The following CAPN3 variants were observed in gnomAD, a reference collection of about 807,000 sequenced individuals.
The protein encoded by CAPN3 is calpain-3.
Under a neutral mutation model 114.0 loss-of-function variants are expected in CAPN3, and 88 were observed. The ratio of observed to expected loss-of-function variants is 0.77; its 90% confidence interval spans 0.65 to 0.92. CAPN3 has a LOEUF of 0.92. Ranked by LOEUF, CAPN3 falls within the 40% of genes least tolerant of loss-of-function variation. The pLI, the probability that CAPN3 is intolerant of heterozygous loss-of-function variation, is 0.00. For synonymous variants in CAPN3, 386 were observed against 382.9 expected (o/e 1.01, Z -0.09); for missense variants, 1,028 against 1,069.0 (o/e 0.96, Z 0.53).
chr15:42,366,560 T>C (rs1230131632), intron 1 of CAPN3, among the ~76,000 whole-genome samples: 1 of 152,186 alleles, frequency 6.6e-6, no homozygotes, highest in Non-Finnish European at 1.5e-5. Context: ...AAACATCTTC[T>C]CTCTTCTCGA....
chr15:42,410,966 C>A lies in CAPN3; in HGVS notation c.2346C>A (p.Phe782Leu), dbSNP rs745494652. 2 of 1,614,012 alleles carry A rather than the reference C, an allele frequency of 1.2e-6. No individual in the cohort carries two copies. Among genetic ancestry groups the A allele is most frequent in the East Asian group, 2.2e-5 (1 of 44,896 alleles). Residue 782 changes from phenylalanine to leucine, a missense_variant, in exon 22 of 24, where the codon TTC becomes TTA. Coordinates refer to ENST00000397163, the MANE Select transcript of CAPN3 (RefSeq NM_000070.3). ...ACATGAACATCGACTTTGACAGTTT[C>A]ATCTGCTGCTTCGTTAGGCTGGAGG... is the stretch of plus-strand genomic sequence containing the variant. ...DKHMNIDFDSFICCFVRLEGM... is the reference protein window; with the variant it reads ...DKHMNIDFDSLICCFVRLEGM...
In CAPN3 at chr15:42,359,606, C is replaced by A; in HGVS notation, c.-200C>A. The A allele has an allele frequency of 5.6e-6, 8 of 1,428,586 alleles. No homozygotes were observed. Among genetic ancestry groups the A allele is most frequent in the Non-Finnish European group, 7.3e-6 (8 of 1,096,238 alleles). The allele number at this position is 1,428,586 out of a possible 1,614,324, so 88.5% of individuals were successfully genotyped here. A position where few individuals can be genotyped will look rare whatever the true frequency, so the allele number is the denominator to read the frequency against. ...ACTCATTTCTCAGGAGAACTTATGG[C>A]TTCAGAATCACAGCTCGGTTTTTAA... On this transcript the variant is annotated 5_prime_UTR_variant, in exon 1 of 24. Transcript: ENST00000397163.
intron 15 of CAPN3, among the ~76,000 whole-genome samples, chr15:42,407,999 G>A (rs1003048320): frequency 6.6e-6 from 1 of 152,148 alleles, no homozygotes; most frequent in Admixed American, 6.5e-5. Context: ...ACTCTACCAT[G>A]AGGAGGGATG....
At chr15:42,363,984 T>G (rs902882223) in intron 1 of CAPN3, among the ~76,000 whole-genome samples, 19 of 152,344 alleles carry the variant, frequency 1.2e-4, no homozygotes, top group African/African-American at 4.3e-4. Flanking sequence ...TGTGGGATTT[T>G]GGACTCCCAC....
chr15:42,373,502 C>A (rs982533915), intron 1 of CAPN3, among the ~76,000 whole-genome samples: 35 of 152,242 alleles, frequency 2.3e-4, no homozygotes, highest in Non-Finnish European at 1.5e-4. Context: ...CAGCTCCCTG[C>A]TCTTACATTA....
intron 13 of CAPN3, among the ~76,000 whole-genome samples, chr15:42,403,237 A>G (rs559323875): frequency 1.3e-5 from 2 of 152,402 alleles, no homozygotes; most frequent in South Asian, 4.1e-4. Context: ...GTAAACAGAA[A>G]GAAATCCCTG....
chr15:42,405,068 C>T (rs568767820), intron 14 of CAPN3: 8 of 965,458 alleles, frequency 8.3e-6, no homozygotes, highest in South Asian at 9.6e-5. Context: ...AATGTTGGGG[C>T]GTGGGGCAAT....
At chr15:42,409,745 C>T in intron 17 of CAPN3, 42 bp from the exon 18 acceptor site, 2 of 1,557,452 alleles carry the variant, frequency 1.3e-6, no homozygotes, top group Non-Finnish European at 1.8e-6. Flanking sequence ...CCAGGAGCTG[C>T]TGTACTCCTG....
intron 9 of CAPN3, among the ~76,000 whole-genome samples, chr15:42,397,976 G>T (rs1258729005): frequency 6.6e-6 from 1 of 152,010 alleles, no homozygotes; most frequent in Non-Finnish European, 1.5e-5. Context: ...AACTATGATT[G>T]TACCACTGCA....
rs1407653860 is a variant in CAPN3 at position 42,412,075 on chromosome 15, C to T, written c.*302C>T. 1 of 1,532,742 alleles carries T rather than the reference C, an allele frequency of 6.5e-7. No individual in the cohort carries two copies. Among genetic ancestry groups the T allele is most frequent in the Non-Finnish European group, 8.7e-7 (1 of 1,145,612 alleles). 94.9% of individuals were successfully genotyped at this position (1,532,742 alleles called of 1,614,324 possible). Reference sequence around the variant, plus strand: ...GTTCTGAAGCGAGTGCTCCTGCTTACCTTGCTCTAGGCTGTCTGCAGAAGC... The same window carrying T: ...GTTCTGAAGCGAGTGCTCCTGCTTATCTTGCTCTAGGCTGTCTGCAGAAGC... On this transcript the variant is annotated 3_prime_UTR_variant, in exon 24 of 24. Transcript: ENST00000397163.
intron 6 of CAPN3, 37 bp downstream of exon 6, chr15:42,390,133 T>A: frequency 1.2e-6 from 2 of 1,613,020 alleles, no homozygotes; most frequent in Non-Finnish European, 1.7e-6. Context: ...TGACCATCCC[T>A]CCAACCCACA....
chr15:42,398,839 C>T (rs1297419429), intron 9 of CAPN3, among the ~76,000 whole-genome samples: 4 of 130,674 alleles, frequency 3.1e-5, no homozygotes, highest in Non-Finnish European at 6.2e-5. Flanking sequence ...GGCTGGCATA[C>T]AATGGCGCAA....
chr15:42,379,320 A>C (rs530783973), intron 1 of CAPN3, among the ~76,000 whole-genome samples: 2 of 152,138 alleles, frequency 1.3e-5, no homozygotes, highest in Non-Finnish European at 2.9e-5. Flanking sequence ...CAAAAAAAAA[A>C]AATTGGTTAA....
chr15:42,398,420 A>G (rs924672805), intron 9 of CAPN3, among the ~76,000 whole-genome samples: 30 of 151,878 alleles, frequency 2.0e-4, no homozygotes, highest in African/African-American at 7.3e-4. Context: ...CCCCATCTCT[A>G]CAAAAATACA....
intron 14 of CAPN3, among the ~76,000 whole-genome samples, chr15:42,405,342 C>T (rs920388930): frequency 6.6e-6 from 1 of 152,164 alleles, no homozygotes; most frequent in South Asian, 2.1e-4. Flanking sequence ...CGGAGTTTCA[C>T]TCTTGTCACC....
At chr15:42,367,887 C>G (rs1290416956) in intron 1 of CAPN3, among the ~76,000 whole-genome samples, 2 of 152,100 alleles carry the variant, frequency 1.3e-5, no homozygotes, top group African/African-American at 4.8e-5. Context: ...GACTTGAACT[C>G]CTGGGTTTAA....
chr15:42,392,717 G>A lies in CAPN3; in HGVS notation c.1024G>A (p.Asp342Asn). 5 of 1,613,704 alleles carry A rather than the reference G, an allele frequency of 3.1e-6. No homozygotes were observed. The highest frequency in any genetic ancestry group is 4.2e-6 in the Non-Finnish European group (5 of 1,179,728). Reference sequence around the variant, plus strand: ...TCACGCCTACTCTGTCACGGGGCTGGATGAGGTAAGCCTGGTGGGGCTTGG... The same window carrying A: ...TCACGCCTACTCTGTCACGGGGCTGAATGAGGTAAGCCTGGTGGGGCTTGG... Reference protein sequence around the residue: ...RGHAYSVTGLDEVPFKGEKVK... With the variant: ...RGHAYSVTGLNEVPFKGEKVK... Residue 342 changes from aspartate (D) to asparagine (N), a missense_variant, in exon 7 of 24, where the codon GAT becomes AAT. Asp to Asn is a conservative substitution (Grantham distance 23, BLOSUM62 1). Coordinates refer to ENST00000397163, the MANE Select transcript of CAPN3 (RefSeq NM_000070.3).
At chr15:42,393,603 T>TC (rs2053614483) in intron 7 of CAPN3, among the ~76,000 whole-genome samples, 1 of 151,424 alleles carries the variant, frequency 6.6e-6, no homozygotes, top group African/African-American at 2.4e-5. Context: ...TTCTTTTTTT[T>TC]TTTTTTTTGA....
chr15:42,403,764 TG>T lies in CAPN3; in HGVS notation c.1771del (p.Asp591IlefsTer4), dbSNP rs754761503. On this transcript the variant is annotated frameshift_variant, in exon 14 of 24. Transcript: ENST00000397163. LOFTEE classifies it high-confidence loss of function. The part of the protein sequence containing the change: ...LSEEVENTIS[V>X]DRPVKKKKTK... ...AGGGAAGTTGAAAATACCATCTCCG[TG>T]GATCGGCCAGTGGTGAGTGGTTTAG... The T allele has an allele frequency of 5.0e-6, 8 of 1,614,058 alleles. No homozygotes were observed. The Admixed American group carries it at 1.3e-4, about 27-fold the overall frequency.
Sources: allele counts gnomAD v4.1 joint callset (sites outside exome capture counted in the v4.1 genomes callset), GRCh38; gene constraint gnomAD v4.1.1; transcripts MANE v1.5; gene names NCBI Gene and HGNC (gene_info 2026-07-23, HGNC 2026-07-21).